TANC1: variants seen among roughly 807,000 people sequenced by gnomAD.
TANC1 encodes tetratricopeptide repeat, ankyrin repeat and coiled-coil containing 1.
Under a neutral mutation model 149.7 loss-of-function variants are expected in TANC1, and 77 were observed. The observed-to-expected ratio is 0.51, with a 90% confidence interval of 0.43 to 0.62. The LOEUF is 0.62. Ranked by LOEUF, TANC1 falls within the 20% of genes least tolerant of loss-of-function variation. The probability of loss-of-function intolerance (pLI) is 0.00; values close to 1 mark genes in which losing one functional copy is unlikely to be tolerated. For synonymous variants in TANC1, 854 were observed against 925.0 expected, an observed-to-expected ratio of 0.92 and a Z score of 1.39; for missense variants, 1,985 against 2,321.8, an observed-to-expected ratio of 0.85 and a Z score of 2.98.
intron 18 of TANC1, among the ~76,000 whole-genome samples, chr2:159,197,673 CTTTT>C: frequency 6.6e-6 from 1 of 152,002 alleles, no homozygotes; most frequent in East Asian, 1.9e-4. Context: ...AGATGTTTTC[CTTTT>C]TTTAAGTGTG....
At chr2:159,094,426 A>T (rs2045869435) in intron 3 of TANC1, among the ~76,000 whole-genome samples, 1 of 152,138 alleles carries the variant, frequency 6.6e-6, no homozygotes, top group Admixed American at 6.6e-5. Flanking sequence ...TGGTTCTTGT[A>T]GGCACAGCAC....
chr2:159,174,176 T>A (rs1400244995), intron 11 of TANC1, among the ~76,000 whole-genome samples: 2 of 152,188 alleles, frequency 1.3e-5, no homozygotes, highest in Admixed American at 1.3e-4. Flanking sequence ...GGATTTTTCT[T>A]CTATCTATAG....
At chr2:159,214,398 T>C (rs1209239617) in intron 19 of TANC1, among the ~76,000 whole-genome samples, 1 of 152,132 alleles carries the variant, frequency 6.6e-6, no homozygotes, top group Non-Finnish European at 1.5e-5. Context: ...AGGTGTCTTG[T>C]CTTGTGTTAC....
rs1228398430 is a variant in TANC1, at chr2:159,219,357, A to T, written c.3498A>T (p.Ser1166=). The part of the protein sequence containing the change: ...GHLSTVEFLL[S]KGAALSSLDK... ...TGAGCACCGTGGAATTCCTCCTTTC[A>T]AAAGGTAGCAGCGTGATGCCCTCAA... Residue 1166 remains serine (S), a synonymous_variant, in exon 21 of 27, where the codon TCA becomes TCT. Transcript: ENST00000263635. The T allele has an allele frequency of 6.2e-7, 1 of 1,606,890 alleles. No individual in the cohort carries two copies. Among genetic ancestry groups the T allele is most frequent in the East Asian group, 2.2e-5 (1 of 44,876 alleles).
chr2:159,229,435 A>G, intron 26 of TANC1, 143 bp from the exon 27 acceptor site: 1 of 685,992 alleles, frequency 1.5e-6, no homozygotes. Flanking sequence ...TGGGCTGGTT[A>G]AGTGGGTCCT....
chr2:159,147,071 A>T (rs1001898124), intron 5 of TANC1, among the ~76,000 whole-genome samples: 3 of 152,178 alleles, frequency 2.0e-5, no homozygotes, highest in Admixed American at 2.0e-4. Flanking sequence ...TCCTCCTGCC[A>T]GTCCCAAGTG....
intron 2 of TANC1, among the ~76,000 whole-genome samples, chr2:159,062,239 A>G (rs545056794): frequency 6.6e-6 from 1 of 151,662 alleles, no homozygotes; most frequent in Admixed American, 6.6e-5. Flanking sequence ...CTCCTTCTCA[A>G]AACAAACAAA....
intron 7 of TANC1, among the ~76,000 whole-genome samples, chr2:159,158,843 G>A (rs149897915): frequency 3.3e-5 from 5 of 152,326 alleles, no homozygotes; most frequent in African/African-American, 9.6e-5. Flanking sequence ...GTCTGGAGAC[G>A]CATACCTCCT....
chr2:159,116,147 CT>C (rs2048217676), intron 4 of TANC1, among the ~76,000 whole-genome samples: 1 of 152,096 alleles, frequency 6.6e-6, no homozygotes, highest in Admixed American at 6.5e-5. Context: ...CTGTTAGTGG[CT>C]GGGCGCGGTG....
intron 2 of TANC1, among the ~76,000 whole-genome samples, chr2:159,063,330 CT>C (rs2042403110): frequency 6.6e-6 from 1 of 152,150 alleles, no homozygotes; most frequent in African/African-American, 2.4e-5. Context: ...TTATTGGCCC[CT>C]AGGGTCTATT....
intron 2 of TANC1, among the ~76,000 whole-genome samples, chr2:159,061,761 C>T (rs1409215365): frequency 2.0e-5 from 3 of 152,112 alleles, no homozygotes; most frequent in Non-Finnish European, 4.4e-5. Context: ...CTCTCTTCCT[C>T]AAAAATATAT....
At chr2:159,179,340 T>C (rs2056220351) in intron 14 of TANC1, among the ~76,000 whole-genome samples, 177 bp downstream of exon 14, 1 of 152,080 alleles carries the variant, frequency 6.6e-6, no homozygotes, top group South Asian at 2.1e-4. Flanking sequence ...CAATGGGGAA[T>C]TCTCTATACA....
At chr2:159,177,965 A>G (rs958736667) in intron 13 of TANC1, among the ~76,000 whole-genome samples, 1 of 152,230 alleles carries the variant, frequency 6.6e-6, no homozygotes, top group Non-Finnish European at 1.5e-5. Context: ...TTAGACTTCA[A>G]TTTAAAAGTT....
chr2:159,206,183 G>A (rs1440524808), intron 19 of TANC1, among the ~76,000 whole-genome samples: 8 of 152,226 alleles, frequency 5.3e-5, no homozygotes, highest in Non-Finnish European at 1.2e-4. Context: ...GCAAGATGGG[G>A]TGGGGTGACC....
At chr2:159,110,342 A>T (rs572021518) in intron 4 of TANC1, among the ~76,000 whole-genome samples, 2 of 152,340 alleles carry the variant, frequency 1.3e-5, no homozygotes, top group African/African-American at 4.8e-5. Context: ...TCCTCTGCAG[A>T]TAAGGAGGCA....
At chr2:159,057,050 G>T (rs796990770) in intron 2 of TANC1, among the ~76,000 whole-genome samples, 13 of 152,300 alleles carry the variant, frequency 8.5e-5, no homozygotes, top group African/African-American at 3.1e-4. Context: ...GTTATGGCCT[G>T]GTCTGCAGCC....
intron 7 of TANC1, among the ~76,000 whole-genome samples, chr2:159,158,337 G>A (rs1488159668): frequency 6.6e-6 from 1 of 151,998 alleles, no homozygotes. Context: ...TCCAGCCTGG[G>A]CAACAGAGCG....
At chr2:159,181,875 C>T (rs1365446808) in intron 14 of TANC1, among the ~76,000 whole-genome samples, 1 of 152,268 alleles carries the variant, frequency 6.6e-6, no homozygotes, top group East Asian at 1.9e-4. Context: ...CCTAGGTTAG[C>T]ATTCCAGAAA....
At chr2:159,029,204 C>T (rs1233806051) in intron 2 of TANC1, among the ~76,000 whole-genome samples, 2 of 152,152 alleles carry the variant, frequency 1.3e-5, no homozygotes, top group Non-Finnish European at 2.9e-5. Context: ...CGGAATGATC[C>T]ATTATGTGTA....
Sources: allele counts gnomAD v4.1 joint callset (sites outside exome capture counted in the v4.1 genomes callset), GRCh38; gene constraint gnomAD v4.1.1; transcripts MANE v1.5; gene names NCBI Gene and HGNC (gene_info 2026-07-23, HGNC 2026-07-21).